ATP1B3: variants seen among roughly 807,000 people sequenced by gnomAD.
ATP1B3 encodes ATPase Na+/K+ transporting subunit beta 3.
Under a neutral mutation model 30.2 loss-of-function variants are expected in ATP1B3, and 10 were observed. The ratio of observed to expected loss-of-function variants is 0.33; its 90% CI spans 0.20 to 0.56. The LOEUF is 0.56. Ranked by LOEUF, ATP1B3 falls within the 20% of genes least tolerant of loss-of-function variation. The pLI, the probability that ATP1B3 is intolerant of heterozygous loss-of-function variation, is 0.90. For missense variants in ATP1B3, 238 were observed against 336.7 expected (o/e 0.71, Z 2.29); for synonymous variants, 113 against 117.0 (o/e 0.97, Z 0.22).
At chr3:141,903,880 C>G (rs1934214268) in intron 2 of ATP1B3, 132 bp downstream of exon 2, 32 of 1,059,368 alleles carry the variant, frequency 3.0e-5, no homozygotes, top group Non-Finnish European at 3.8e-5. Flanking sequence ...CTCCCAGGTT[C>G]AAGCGATTCT....
At chr3:141,918,022 C>T (rs1934500353) in intron 5 of ATP1B3, among the ~76,000 whole-genome samples, 1 of 152,102 alleles carries the variant, frequency 6.6e-6, no homozygotes, top group Non-Finnish European at 1.5e-5. Context: ...CCCGCCTCAG[C>T]CTCCCAAAGT....
chr3:141,904,703 CTTT>C (rs35178202), intron 2 of ATP1B3, among the ~76,000 whole-genome samples: 20 of 89,368 alleles, frequency 2.2e-4, no homozygotes, highest in African/African-American at 4.1e-4. Flanking sequence ...TTTAAACAGT[CTTT>C]TTTTTTTTTT....
chr3:141,922,666 A>T (rs1353452869), intron 6 of ATP1B3, among the ~76,000 whole-genome samples: 2 of 150,622 alleles, frequency 1.3e-5, no homozygotes, highest in Non-Finnish European at 3.0e-5. Context: ...CACCAAAAAA[A>T]TAAATGAAAA....
chr3:141,913,232 C>T (rs1033198636), intron 3 of ATP1B3, among the ~76,000 whole-genome samples: 2 of 151,336 alleles, frequency 1.3e-5, no homozygotes, highest in Non-Finnish European at 2.9e-5. Context: ...TGTCATAACA[C>T]TACATCTTCA....
chr3:141,918,534 G>A (rs1468547712), intron 5 of ATP1B3, among the ~76,000 whole-genome samples: 1 of 151,820 alleles, frequency 6.6e-6, no homozygotes, highest in African/African-American at 2.4e-5. Flanking sequence ...TGCCTCCCGG[G>A]TTCAAGCGAT....
In ATP1B3 at chr3:141,876,736, G is replaced by T; in HGVS notation, c.-66G>T. On this transcript the variant is annotated 5_prime_UTR_variant, in exon 1 of 7. Transcript: ENST00000286371. ...GGCTGCGCCGCCGGAGCCGGGACGC[G>T]CCTCCGCAGCCCTCGCCGCCTCCAT... 1 of 1,307,522 alleles carries T rather than the reference G, an allele frequency of 7.6e-7. No homozygotes were observed. The highest frequency in any genetic ancestry group is 1.1e-6 in the Non-Finnish European group (1 of 933,920). The allele number at this position is 1,307,522 out of a possible 1,614,324, so 81.0% of individuals were successfully genotyped here. A position where few individuals can be genotyped will look rare whatever the true frequency, so the allele number is the denominator to read the frequency against.
chr3:141,910,000 C>G (rs1288596921), intron 3 of ATP1B3, among the ~76,000 whole-genome samples: 1 of 152,136 alleles, frequency 6.6e-6, no homozygotes, highest in African/African-American at 2.4e-5. Context: ...GTCTATTTGT[C>G]TGAGATGGGG....
intron 1 of ATP1B3, among the ~76,000 whole-genome samples, chr3:141,896,348 C>T (rs6805115): frequency 0.23 from 34,787 of 151,816 alleles, 4,154 homozygotes; most frequent in African/African-American, 0.25. Context: ...AGACCCCCTT[C>T]TGTACAAAAA....
chr3:141,907,264 G>A lies in ATP1B3; in HGVS notation c.336G>A (p.Lys112=), dbSNP rs2107774206. ...CAGGGTACATTGAAGACCTTAAGAAGTTTCTAAAACGTGAGTATGTTTTCT... is the reference window on the plus strand; with the variant it reads ...CAGGGTACATTGAAGACCTTAAGAAATTTCTAAAACGTGAGTATGTTTTCT... ...SYAGYIEDLK[K]FLKPYTLEEQ... Residue 112 remains lysine (K), a synonymous_variant, in exon 3 of 7, where the codon AAG becomes AAA. Transcript: ENST00000286371. The A allele has an allele frequency of 6.2e-7, 1 of 1,608,962 alleles. No homozygotes were observed. Among genetic ancestry groups the A allele is most frequent in the Non-Finnish European group, 8.5e-7 (1 of 1,177,582 alleles).
intron 5 of ATP1B3, among the ~76,000 whole-genome samples, chr3:141,919,370 G>T (rs1466737357): frequency 6.6e-6 from 1 of 151,046 alleles, no homozygotes; most frequent in Non-Finnish European, 1.5e-5. Context: ...ACCCACCTCC[G>T]CCTTTGAAAA....
intron 6 of ATP1B3, 95 bp from the exon 7 acceptor site, chr3:141,925,436 C>CAA (rs939347023): frequency 7.1e-7 from 1 of 1,406,414 alleles, no homozygotes; most frequent in African/African-American, 1.4e-5. Flanking sequence ...GCAACAGTCT[C>CAA]AAAAAGAAAA....
intron 5 of ATP1B3, chr3:141,916,584 C>T: frequency 7.8e-7 from 1 of 1,283,316 alleles, no homozygotes; most frequent in Non-Finnish European, 1.0e-6. Flanking sequence ...GGTAAGAGTT[C>T]TGAGGAGACA....
chr3:141,911,618 C>T (rs1476868425), intron 3 of ATP1B3, among the ~76,000 whole-genome samples: 1 of 151,892 alleles, frequency 6.6e-6, no homozygotes, highest in African/African-American at 2.4e-5. Context: ...CCTCAGCCTT[C>T]CAAGCAGCTA....
chr3:141,924,853 T>TGAG (rs1188040614), intron 6 of ATP1B3, among the ~76,000 whole-genome samples: 2 of 152,058 alleles, frequency 1.3e-5, no homozygotes, highest in Non-Finnish European at 2.9e-5. Flanking sequence ...CTTGGGAGGT[T>TGAG]GAGGCAGGAG....
In ATP1B3 at chr3:141,907,241, G is replaced by T; in HGVS notation, c.313G>T (p.Gly105Trp). The T allele has an allele frequency of 6.2e-7, 1 of 1,612,534 alleles. No homozygotes were observed. The highest frequency in any genetic ancestry group is 8.5e-7 in the Non-Finnish European group (1 of 1,179,410). ...FSRSDPTSYA[G>W]YIEDLKKFLK... ...TAGGTCTGATCCAACTTCGTATGCA[G>T]GGTACATTGAAGACCTTAAGAAGTT... Residue 105 changes from glycine to tryptophan, a missense_variant, in exon 3 of 7, where the codon GGG (glycine) becomes TGG (tryptophan). Gly to Trp is a radical substitution (Grantham distance 184, BLOSUM62 -2). This residue lies in a region of ATP1B3 where 130 missense variants were observed against 148.8 expected (regional missense o/e 0.87). Transcript: ENST00000286371.
At chr3:141,887,472 A>ATATG (rs1559865443) in intron 1 of ATP1B3, among the ~76,000 whole-genome samples, 1 of 152,196 alleles carries the variant, frequency 6.6e-6, no homozygotes, top group Admixed American at 6.5e-5. Context: ...TTAAAAGGTA[A>ATATG]TATGTGGCAT....
chr3:141,919,716 A>G (rs1934533134), intron 5 of ATP1B3, among the ~76,000 whole-genome samples: 1 of 152,138 alleles, frequency 6.6e-6, no homozygotes, highest in African/African-American at 2.4e-5. Flanking sequence ...AGGTAGGCGG[A>G]TCACCAGAGG....
intron 1 of ATP1B3, among the ~76,000 whole-genome samples, chr3:141,885,561 G>A (rs11707427): frequency 0.11 from 16,386 of 152,110 alleles, 1,078 homozygotes; most frequent in Middle Eastern, 0.16. Flanking sequence ...TGATTCTCCT[G>A]TCTTAGCCTC....
chr3:141,894,492 A>G (rs1201165259), intron 1 of ATP1B3, among the ~76,000 whole-genome samples: 1 of 152,202 alleles, frequency 6.6e-6, no homozygotes, highest in African/African-American at 2.4e-5. Flanking sequence ...TAGCTTTTAA[A>G]GCACAAACAC....
Sources: gnomAD v4.1 joint callset for allele counts (sites outside exome capture counted in the v4.1 genomes callset) on GRCh38, gnomAD v4.1.1 for gene constraint, gnomAD v4.1.1 regional missense constraint, MANE v1.5 for transcripts, NCBI Gene and HGNC (gene_info 2026-07-23, HGNC 2026-07-21) for gene names.